TMEM108: variants seen among roughly 807,000 people sequenced by gnomAD.
The protein encoded by TMEM108 is cancer/testis antigen 124.
A neutral mutation model predicts 35.1 loss-of-function variants in TMEM108; 12 were observed. That is an observed-to-expected ratio of 0.34 (90% CI 0.22 to 0.55). The LOEUF is 0.55. Among genes scored for constraint, TMEM108 ranks in the 20% least tolerant of loss-of-function variants. The pLI is 0.89. For synonymous variants in TMEM108, 287 were observed against 308.6 expected, an observed-to-expected ratio of 0.93 and a Z score of 0.73; for missense variants, 680 against 753.3, an observed-to-expected ratio of 0.90 and a Z score of 1.14.
At chr3:133,199,110 G>A (rs1265057868) in intron 2 of TMEM108, among the ~76,000 whole-genome samples, 1 of 152,108 alleles carries the variant, frequency 6.6e-6, no homozygotes, top group Non-Finnish European at 1.5e-5. Context: ...TCGTCACCTA[G>A]TTCTTGTGCC....
intron 3 of TMEM108, among the ~76,000 whole-genome samples, chr3:133,278,698 A>G (rs1023880643): frequency 3.3e-5 from 5 of 152,252 alleles, no homozygotes; most frequent in African/African-American, 1.2e-4. Context: ...ATCTTATGTT[A>G]CCACCATCAT....
intron 2 of TMEM108, among the ~76,000 whole-genome samples, chr3:133,103,124 C>T (rs909940044): frequency 4.6e-5 from 7 of 152,076 alleles, no homozygotes; most frequent in Admixed American, 1.3e-4. Context: ...CTTATAAAGA[C>T]GCATGCACAC....
intron 3 of TMEM108, among the ~76,000 whole-genome samples, chr3:133,320,802 T>C (rs1196306861): frequency 6.6e-6 from 1 of 152,162 alleles, no homozygotes; most frequent in Non-Finnish European, 1.5e-5. Context: ...GAAAACCTAT[T>C]AGATTAACGG....
At chr3:133,150,198 A>G (rs773585727) in intron 2 of TMEM108, among the ~76,000 whole-genome samples, 16 of 152,040 alleles carry the variant, frequency 1.1e-4, no homozygotes, top group Non-Finnish European at 2.4e-4. Context: ...ATATGAAGTG[A>G]TATTTCATTA....
chr3:133,148,778 T>G (rs1944757182), intron 2 of TMEM108, among the ~76,000 whole-genome samples: 1 of 152,030 alleles, frequency 6.6e-6, no homozygotes, highest in African/African-American at 2.4e-5. Flanking sequence ...GGAGGATCAC[T>G]TGAGCCCAGG....
intron 3 of TMEM108, among the ~76,000 whole-genome samples, chr3:133,317,096 A>G (rs1222793025): frequency 1.3e-5 from 2 of 152,238 alleles, no homozygotes; most frequent in Non-Finnish European, 2.9e-5. Flanking sequence ...TGTGAACTAC[A>G]GCTGTTATTG....
intron 3 of TMEM108, among the ~76,000 whole-genome samples, chr3:133,290,954 CACTA>C (rs1192089491): frequency 6.6e-6 from 1 of 152,152 alleles, no homozygotes; most frequent in African/African-American, 2.4e-5. Flanking sequence ...TGGTAAATGA[CACTA>C]ACTAAAATGG....
chr3:133,090,274 A>G (rs1055684368), intron 2 of TMEM108, among the ~76,000 whole-genome samples: 1 of 152,230 alleles, frequency 6.6e-6, no homozygotes, highest in African/African-American at 2.4e-5. Context: ...GAACCAAGCA[A>G]AAGGTCATCA....
intron 3 of TMEM108, chr3:133,247,889 G>A (rs59537840): frequency 6.6e-6 from 1 of 152,120 alleles, no homozygotes; most frequent in African/African-American, 2.4e-5. Context: ...TTATCAGATA[G>A]CACACCTGCT....
At chr3:133,062,238 C>T (rs576423375) in intron 2 of TMEM108, among the ~76,000 whole-genome samples, 4 of 152,314 alleles carry the variant, frequency 2.6e-5, no homozygotes, top group Non-Finnish European at 5.9e-5. Flanking sequence ...AAAATCATAA[C>T]CTGTTAACCC....
At chr3:133,339,300 G>A (rs949532169) in intron 3 of TMEM108, among the ~76,000 whole-genome samples, 2 of 151,650 alleles carry the variant, frequency 1.3e-5, no homozygotes, top group African/African-American at 2.4e-5. Context: ...AACCAAAAAA[G>A]TGCAGTAGCT....
chr3:133,370,920 G>GTGTGCC (rs1448951924), intron 3 of TMEM108, among the ~76,000 whole-genome samples: 3 of 143,736 alleles, frequency 2.1e-5, no homozygotes, highest in Admixed American at 6.9e-5. Flanking sequence ...GTGTGTGTGT[G>GTGTGCC]TGCCAGGAAG....
chr3:133,355,876 C>CT (rs1397063372), intron 3 of TMEM108, among the ~76,000 whole-genome samples: 1 of 152,050 alleles, frequency 6.6e-6, no homozygotes, highest in Non-Finnish European at 1.5e-5. Context: ...TAATTGCTAG[C>CT]TTTTTTCTTT....
At chr3:133,078,147 G>GTGT (rs1339510433) in intron 2 of TMEM108, among the ~76,000 whole-genome samples, 1 of 101,652 alleles carries the variant, frequency 9.8e-6, no homozygotes, top group African/African-American at 4.9e-5. Context: ...CTCAGTGTGT[G>GTGT]TGTGTGTGTG....
At chr3:133,232,454 A>G (rs1946167382) in intron 3 of TMEM108, among the ~76,000 whole-genome samples, 1 of 152,184 alleles carries the variant, frequency 6.6e-6, no homozygotes, top group Non-Finnish European at 1.5e-5. Flanking sequence ...CCCTTATCAG[A>G]TGCAGATGCT....
intron 2 of TMEM108, among the ~76,000 whole-genome samples, chr3:133,056,190 G>A (rs546160466): frequency 7.0e-6 from 1 of 142,566 alleles, no homozygotes; most frequent in East Asian, 2.1e-4. Context: ...TTGGCATAAA[G>A]ACACAGGCTG....
chr3:133,207,569 T>C (rs1045516851), intron 2 of TMEM108, among the ~76,000 whole-genome samples: 1 of 152,180 alleles, frequency 6.6e-6, no homozygotes. Context: ...TTGAAAGTAG[T>C]TGTTCCAGGA....
In TMEM108 at chr3:133,235,823, G is replaced by T. The variant is rs548171042; in HGVS notation, c.40+6472G>T. ...ATTATTATTGACCCTATTCTACAGA[G>T]AAAGGAATTGACATGATCAAGACTG... On this transcript the variant is annotated intron_variant, in intron 3 of 5. Coordinates refer to ENST00000321871, the MANE Select transcript of TMEM108 (RefSeq NM_023943.4). 2.0e-5 allele frequency among the ~76,000 whole-genome samples: 3 copies of T among 152,080 alleles called. No individual in the cohort carries two copies. The East Asian group carries it at 5.8e-4, about 29-fold the overall frequency.
At chr3:133,235,488 A>G (rs941367652) in intron 3 of TMEM108, among the ~76,000 whole-genome samples, 1 of 152,160 alleles carries the variant, frequency 6.6e-6, no homozygotes, top group Admixed American at 6.5e-5. Flanking sequence ...ACCTGAGAAA[A>G]ACAAGCAATG....
Sources: gnomAD v4.1 joint callset for allele counts (sites outside exome capture counted in the v4.1 genomes callset) on GRCh38, gnomAD v4.1.1 for gene constraint, MANE v1.5 for transcripts, NCBI Gene and HGNC (gene_info 2026-07-23, HGNC 2026-07-21) for gene names.